Variants in CYTH4 observed in about 807,000 individuals in gnomAD.
The protein encoded by CYTH4 is cytohesin 4.
Under a neutral mutation model 57.5 loss-of-function variants are expected in CYTH4, and 22 were observed. The observed-to-expected ratio is 0.38, with a 90% CI of 0.27 to 0.55. The LOEUF is 0.55. Among genes scored for constraint, CYTH4 ranks in the 20% least tolerant of loss-of-function variants. The pLI is 0.74. For missense variants in CYTH4, 420 were observed against 535.6 expected, an observed-to-expected ratio of 0.78 and a Z score of 2.13; for synonymous variants, 186 against 206.5, an observed-to-expected ratio of 0.90 and a Z score of 0.85.
chr22:37,308,710 A>ATG (rs370573409), intron 8 of CYTH4, among the ~76,000 whole-genome samples: 5 of 145,828 alleles, frequency 3.4e-5, no homozygotes, highest in African/African-American at 1.0e-4. Context: ...GTGAGCATGC[A>ATG]TGTGTGTGTG....
chr22:37,285,925 C>T (rs1308066367), intron 1 of CYTH4, among the ~76,000 whole-genome samples: 3 of 152,124 alleles, frequency 2.0e-5, no homozygotes, highest in Non-Finnish European at 4.4e-5. Flanking sequence ...GGACAGGACC[C>T]CCGTCAGAAG....
chr22:37,311,863 G>C lies in CYTH4; in HGVS notation c.958-157G>C. The C allele has an allele frequency of 1.1e-6, 1 of 938,184 alleles. No individual in the cohort carries two copies. Among genetic ancestry groups the C allele is most frequent in the Non-Finnish European group, 1.6e-6 (1 of 636,580 alleles). 58.1% of individuals were successfully genotyped at this position (938,184 alleles called of 1,614,324 possible). On this transcript the variant is annotated intron_variant, in intron 11 of 12. Coordinates refer to ENST00000248901, the MANE Select transcript of CYTH4 (RefSeq NM_013385.5). This position sits in a 1 kb window ranked among gnomAD's most constrained non-coding sequence, Gnocchi z 4.4. ...GGTGGATTCAGGAGCCTGCCACAGAGAGAGTGCTCAGTGTGGGAGCAGCAG... is the reference window on the plus strand; with the variant it reads ...GGTGGATTCAGGAGCCTGCCACAGACAGAGTGCTCAGTGTGGGAGCAGCAG...
chr22:37,300,772 C>A (rs1274792494), intron 6 of CYTH4, 135 bp from the exon 7 acceptor site: 3 of 704,580 alleles, frequency 4.3e-6, no homozygotes, highest in Non-Finnish European at 7.1e-6. Context: ...CCCACTTCCC[C>A]GTCAGCCCAG....
At position 37,298,642 on chromosome 22, in the gene CYTH4, G is replaced by C. The variant is rs1929062988; in HGVS notation, c.354-584G>C. Among the ~76,000 whole-genome samples the C allele has an allele frequency of 6.6e-6, 1 of 152,152 alleles. No homozygotes were observed. The highest frequency in any genetic ancestry group is 6.5e-5 in the Admixed American group (1 of 15,280). ...AGAGAGGAAGGATATTGTGGGCGAGGAGGTGGGGATCTGTGGGAGCGCTCT... is the reference window on the plus strand; with the variant it reads ...AGAGAGGAAGGATATTGTGGGCGAGCAGGTGGGGATCTGTGGGAGCGCTCT... On this transcript the variant is annotated intron_variant, in intron 5 of 12. Coordinates refer to ENST00000248901, the MANE Select transcript of CYTH4 (RefSeq NM_013385.5). This position sits in a 1 kb window ranked among gnomAD's most constrained non-coding sequence, Gnocchi z 4.1.
chr22:37,289,547 C>T (rs758765360), intron 1 of CYTH4, among the ~76,000 whole-genome samples: 6 of 152,228 alleles, frequency 3.9e-5, no homozygotes, highest in East Asian at 1.9e-4. Flanking sequence ...CATGTGGTCA[C>T]GGTGTAAGCA....
chr22:37,292,073 T>C (rs1351947957), intron 1 of CYTH4: 1 of 152,608 alleles, frequency 6.6e-6, no homozygotes, highest in Non-Finnish European at 1.5e-5. Flanking sequence ...CAGGCTCATT[T>C]CCCAGCCTCC....
At chr22:37,296,208 G>A (rs1435252203) in intron 4 of CYTH4, 143 bp downstream of exon 4, 2 of 876,652 alleles carry the variant, frequency 2.3e-6, no homozygotes, top group Non-Finnish European at 3.4e-6. Context: ...ATCTTGTCCA[G>A]TGCCCCATGG....
At chr22:37,293,158 A>T (rs750694878) in intron 2 of CYTH4, among the ~76,000 whole-genome samples, 7 of 152,232 alleles carry the variant, frequency 4.6e-5, no homozygotes, top group Non-Finnish European at 8.8e-5. Context: ...TGTTCCTGGA[A>T]CGTGCCTTGC....
chr22:37,303,431 G>A lies in CYTH4; in HGVS notation c.696+29G>A, dbSNP rs776827869. 1.6e-5 allele frequency: 26 copies of A among 1,604,448 alleles called. No individual in the cohort carries two copies. The East Asian group carries it at 4.9e-4, about 30-fold the overall frequency. ...AGAGAGGCGCAGCCCACCCAGCCTG[G>A]CCCCGGGGAATCCAGGAGGGACCTG... is the stretch of plus-strand genomic sequence containing the variant. On this transcript the variant is annotated intron_variant, in intron 8 of 12. Transcript: ENST00000248901.
chr22:37,294,855 G>A (rs1928894393), intron 3 of CYTH4, 131 bp downstream of exon 3: 3 of 1,129,374 alleles, frequency 2.7e-6, no homozygotes, highest in Admixed American at 2.0e-5. Context: ...CAGGGAGAAG[G>A]AGGCAGCAAC....
Position 37,311,569 on chromosome 22 carries a change from G to C in CYTH4, c.957+42G>C. 6.3e-7 allele frequency: 1 copy of C among 1,596,772 alleles called. No individual in the cohort carries two copies. Among genetic ancestry groups the C allele is most frequent in the Non-Finnish European group, 8.6e-7 (1 of 1,165,514 alleles). On this transcript the variant is annotated intron_variant, in intron 11 of 12. Transcript: ENST00000248901. This position sits in a 1 kb window ranked among gnomAD's most constrained non-coding sequence, Gnocchi z 4.4. ...CAGGATCCCGAGGCTGGAGCCACTG[G>C]GAAATTTCCTAAACAGAACGTGGGG...
intron 8 of CYTH4, among the ~76,000 whole-genome samples, chr22:37,307,926 G>A (rs1929460332): frequency 6.6e-6 from 1 of 152,188 alleles, no homozygotes; most frequent in Admixed American, 6.5e-5. Context: ...CGCAGACCTG[G>A]CTTACTTACC....
chr22:37,285,009 C>CG (rs1007241974), intron 1 of CYTH4, among the ~76,000 whole-genome samples: 64 of 149,444 alleles, frequency 4.3e-4, no homozygotes, highest in South Asian at 1.1e-3. Context: ...GGGGCTGGGG[C>CG]GGGGAGCAGC....
At chr22:37,309,064 A>G in intron 8 of CYTH4, 148 bp from the exon 9 acceptor site, 1 of 638,192 alleles carries the variant, frequency 1.6e-6, no homozygotes, top group Non-Finnish European at 2.6e-6. Flanking sequence ...GCTCACCAAG[A>G]AAAGCCCAGG....
At chr22:37,300,578 G>C (rs751011892) in intron 6 of CYTH4, among the ~76,000 whole-genome samples, 1 of 152,248 alleles carries the variant, frequency 6.6e-6, no homozygotes, top group Admixed American at 6.5e-5. Flanking sequence ...CCAAAGGCCA[G>C]GTGCGGGGAG....
chr22:37,303,315 C>A lies in CYTH4; in HGVS notation c.609C>A (p.Asn203Lys). Residue 203 changes from asparagine (N) to lysine (K), a missense_variant, in exon 8 of 13, where the codon AAC becomes AAA. Coordinates refer to ENST00000248901, the MANE Select transcript of CYTH4 (RefSeq NM_013385.5). Reference sequence around the variant, plus strand: ...TCAACACCAGCCTCCACAATCCCAACGTCCGGGACAGGCCGCCTTTTGAGC... The same window carrying A: ...TCAACACCAGCCTCCACAATCCCAAAGTCCGGGACAGGCCGCCTTTTGAGC... The part of the protein sequence containing the change: ...IMLNTSLHNP[N>K]VRDRPPFERF... 1.2e-6 allele frequency: 2 copies of A among 1,614,202 alleles called. No homozygotes were observed. Among genetic ancestry groups the A allele is most frequent in the Non-Finnish European group, 1.7e-6 (2 of 1,180,030 alleles).
chr22:37,297,131 G>A (rs1351334868), intron 4 of CYTH4, among the ~76,000 whole-genome samples: 5 of 152,096 alleles, frequency 3.3e-5, no homozygotes, highest in African/African-American at 1.2e-4. Flanking sequence ...GGATTGAGCT[G>A]GTTTTTCTAA....
intron 9 of CYTH4, chr22:37,310,140 C>T (rs1929587872): frequency 2.6e-6 from 1 of 384,334 alleles, no homozygotes; most frequent in Non-Finnish European, 5.5e-6. Context: ...CAGTCCTGCC[C>T]AGAACCCCCA....
intron 1 of CYTH4, among the ~76,000 whole-genome samples, chr22:37,283,149 G>T (rs1371916602): frequency 1.3e-5 from 2 of 151,518 alleles, no homozygotes; most frequent in Non-Finnish European, 3.0e-5. Flanking sequence ...GGCCCCCGGG[G>T]GTTGGGGTGG....
Sources: gnomAD v4.1 joint callset for allele counts (sites outside exome capture counted in the v4.1 genomes callset) on GRCh38, gnomAD v4.1.1 for gene constraint, Gnocchi (gnomAD v3.1) non-coding constraint, MANE v1.5 for transcripts, NCBI Gene and HGNC (gene_info 2026-07-23, HGNC 2026-07-21) for gene names.